PDE4D: variants seen among roughly 807,000 people sequenced by gnomAD.
The protein encoded by PDE4D is phosphodiesterase 4D.
Under a neutral mutation model 87.4 loss-of-function variants are expected in PDE4D, and 24 were observed. That is an observed-to-expected ratio of 0.27 (90% confidence interval 0.20 to 0.39). PDE4D has a LOEUF of 0.39. Ranked by LOEUF, PDE4D falls within the 10% of genes least tolerant of loss-of-function variation. PDE4D has a pLI of 1.00. For missense variants in PDE4D, 714 were observed against 1,041.0 expected, an observed-to-expected ratio of 0.69 and a Z score of 4.32; for synonymous variants, 384 against 383.2, an observed-to-expected ratio of 1.00 and a Z score of -0.02.
chr5:59,157,909 A>T (rs941795675), intron 5 of PDE4D, among the ~76,000 whole-genome samples: 2 of 152,222 alleles, frequency 1.3e-5, no homozygotes, highest in South Asian at 2.1e-4. Flanking sequence ...AAAACATTTT[A>T]AAAATCCAGT....
intron 5 of PDE4D, among the ~76,000 whole-genome samples, chr5:59,080,118 G>A (rs1766471121): frequency 6.6e-6 from 1 of 152,164 alleles, no homozygotes; most frequent in Non-Finnish European, 1.5e-5. Flanking sequence ...TTGCCTCAGA[G>A]CCTGCATTAT....
At chr5:60,281,235 A>C (rs1480639349) in intron 1 of PDE4D, among the ~76,000 whole-genome samples, 1 of 152,134 alleles carries the variant, frequency 6.6e-6, no homozygotes, top group Non-Finnish European at 1.5e-5. Flanking sequence ...CAGTAGCAGA[A>C]TTCCCTGTTA....
intron 5 of PDE4D, among the ~76,000 whole-genome samples, chr5:59,049,170 A>C (rs973558122): frequency 1.3e-5 from 2 of 152,072 alleles, no homozygotes. Flanking sequence ...TGCCTGTATG[A>C]CTTTTCTAAT....
chr5:60,093,359 AG>A (rs1290013807), intron 2 of PDE4D, among the ~76,000 whole-genome samples: 1 of 152,188 alleles, frequency 6.6e-6, no homozygotes, highest in Non-Finnish European at 1.5e-5. Context: ...AGGTGACCAA[AG>A]GAGGGGTGAA....
chr5:59,744,641 A>T (rs1263516244), intron 1 of PDE4D, among the ~76,000 whole-genome samples: 1 of 152,166 alleles, frequency 6.6e-6, no homozygotes, highest in Non-Finnish European at 1.5e-5. Context: ...AGATCAAAGC[A>T]TGTGTCATTG....
At chr5:59,093,049 T>C (rs1769026524) in intron 5 of PDE4D, among the ~76,000 whole-genome samples, 1 of 152,022 alleles carries the variant, frequency 6.6e-6, no homozygotes, top group African/African-American at 2.4e-5. Context: ...GCACAAATAA[T>C]AAAGGAAACA....
intron 1 of PDE4D, among the ~76,000 whole-genome samples, chr5:59,399,910 A>C (rs13173458): frequency 0.34 from 35,649 of 105,156 alleles, 11,302 homozygotes; most frequent in South Asian, 0.51. Flanking sequence ...ACCCCATCAA[A>C]AAGTGGGCGA....
intron 3 of PDE4D, among the ~76,000 whole-genome samples, chr5:59,901,435 C>T (rs897854295): frequency 3.3e-5 from 5 of 151,926 alleles, no homozygotes; most frequent in African/African-American, 4.8e-5. Flanking sequence ...GCAGTTACAG[C>T]GAAAGACTGA....
At chr5:59,344,192 G>C (rs901213109) in intron 1 of PDE4D, among the ~76,000 whole-genome samples, 2 of 152,014 alleles carry the variant, frequency 1.3e-5, no homozygotes, top group Non-Finnish European at 2.9e-5. Flanking sequence ...CTATGTAGTT[G>C]TTCCTTAGCA....
intron 1 of PDE4D, chr5:60,520,887 G>A (rs1751009902): frequency 6.6e-6 from 1 of 152,520 alleles, no homozygotes; most frequent in African/African-American, 2.4e-5. Flanking sequence ...GACATGCCAG[G>A]AAAGACAGGC....
At chr5:59,209,508 A>C (rs1490706984) in intron 2 of PDE4D, among the ~76,000 whole-genome samples, 1 of 152,166 alleles carries the variant, frequency 6.6e-6, no homozygotes, top group Admixed American at 6.5e-5. Flanking sequence ...AATTCTTCAG[A>C]TATGAATAAA....
chr5:59,065,404 G>A (rs1185035913), intron 5 of PDE4D, among the ~76,000 whole-genome samples: 1 of 152,012 alleles, frequency 6.6e-6, no homozygotes, highest in African/African-American at 2.4e-5. Flanking sequence ...GAAAGCTGCT[G>A]TATAACATAA....
intron 2 of PDE4D, among the ~76,000 whole-genome samples, chr5:60,026,166 A>C (rs1265540213): frequency 6.6e-6 from 1 of 152,218 alleles, no homozygotes; most frequent in East Asian, 1.9e-4. Flanking sequence ...ATTAGTCACG[A>C]AACAAAGATC....
intron 1 of PDE4D, among the ~76,000 whole-genome samples, chr5:60,434,150 C>A (rs2150121060): frequency 6.6e-6 from 1 of 152,174 alleles, no homozygotes; most frequent in East Asian, 1.9e-4. Context: ...AGAGATGACA[C>A]TTGAATTCAG....
rs376693250 is a variant in PDE4D, at chr5:59,241,632, G to A, written c.456-25664C>T. Among the ~76,000 whole-genome samples, 9 of 152,146 alleles carry A rather than the reference G, an allele frequency of 5.9e-5. No homozygotes were observed. In the East Asian group the frequency reaches 1.7e-3, roughly 29 times the overall value. The stretch of plus-strand genomic sequence containing the variant: ...AAGAGAGAGGGTAACTTTACTTGAC[G>A]AAGTCACAGCTCTGGGAGAAATTCC... On this transcript the variant is annotated intron_variant, in intron 1 of 14. Coordinates refer to ENST00000340635, the MANE Select transcript of PDE4D (RefSeq NM_001104631.2).
intron 1 of PDE4D, among the ~76,000 whole-genome samples, chr5:59,276,708 T>TA (rs1561865346): frequency 2.0e-5 from 3 of 152,008 alleles, no homozygotes; most frequent in Admixed American, 6.6e-5. Context: ...TTATTTTTTT[T>TA]TAAAAAAAAT....
intron 1 of PDE4D, among the ~76,000 whole-genome samples, chr5:59,639,356 A>AT (rs1741148021): frequency 6.6e-6 from 1 of 152,150 alleles, no homozygotes; most frequent in Non-Finnish European, 1.5e-5. Flanking sequence ...TGGAAAGATA[A>AT]TTGGTGCTTT....
At chr5:59,261,494 A>G (rs1264033824) in intron 1 of PDE4D, among the ~76,000 whole-genome samples, 1 of 151,884 alleles carries the variant, frequency 6.6e-6, no homozygotes, top group African/African-American at 2.4e-5. Context: ...AGCATTCAAA[A>G]AATATTTTAA....
intron 1 of PDE4D, among the ~76,000 whole-genome samples, chr5:59,479,617 GATCATCACA>G (rs6149041): frequency 0.7 from 105,508 of 151,736 alleles, 38,134 homozygotes; most frequent in African/African-American, 0.88. Flanking sequence ...ACAGAATAGA[GATCATCACA>G]TGTATCAGAG....
Sources: gnomAD v4.1 joint callset for allele counts (sites outside exome capture counted in the v4.1 genomes callset) on GRCh38, gnomAD v4.1.1 for gene constraint, MANE v1.5 for transcripts, NCBI Gene and HGNC (gene_info 2026-07-23, HGNC 2026-07-21) for gene names.